KATNIP: variants seen among roughly 807,000 people sequenced by gnomAD.
The protein encoded by KATNIP is katanin-interacting protein.
KATNIP carries 126 observed loss-of-function variants against 174.0 expected under a neutral mutation model. The observed-to-expected ratio is 0.72, with a 90% CI of 0.63 to 0.84. The LOEUF (loss-of-function observed/expected upper bound fraction) is 0.84. Among genes scored for constraint, KATNIP ranks in the 40% least tolerant of loss-of-function variants. The pLI is 0.00. For synonymous variants in KATNIP, 810 were observed against 835.7 expected (o/e 0.97, Z 0.53); for missense variants, 1,958 against 2,109.7 (o/e 0.93, Z 1.41).
intron 22 of KATNIP, 33 bp downstream of exon 22, chr16:27,771,685 C>T (rs2082310123): frequency 6.2e-7 from 1 of 1,608,994 alleles, no homozygotes; most frequent in African/African-American, 1.3e-5. Flanking sequence ...CCAGCACATT[C>T]TGGGCCCCGA....
In KATNIP at chr16:27,628,647, C is replaced by A; in HGVS notation, c.141-14C>A. ...CAAATGATGAGGAGGAACAACCCAC[C>A]GTTTCTCTTTCAGGATATTAAAGCA... On this transcript the variant is annotated splice_polypyrimidine_tract_variant and intron_variant, in intron 3 of 27. Transcript: ENST00000261588. 1.9e-6 allele frequency: 3 copies of A among 1,613,346 alleles called. No individual in the cohort carries two copies. Among genetic ancestry groups the A allele is most frequent in the Non-Finnish European group, 2.5e-6 (3 of 1,179,508 alleles).
chr16:27,652,761 G>A (rs1199120882), intron 6 of KATNIP, among the ~76,000 whole-genome samples: 3 of 149,832 alleles, frequency 2.0e-5, no homozygotes, highest in East Asian at 2.0e-4. Flanking sequence ...TACAGGAGCC[G>A]AGATGGAGCC....
At chr16:27,745,622 G>A (rs1484917327) in intron 15 of KATNIP, among the ~76,000 whole-genome samples, 1 of 152,212 alleles carries the variant, frequency 6.6e-6, no homozygotes, top group Non-Finnish European at 1.5e-5. Context: ...TCCTGTTTTA[G>A]TAGCAATTAC....
At chr16:27,664,083 A>G (rs1018506790) in intron 6 of KATNIP, among the ~76,000 whole-genome samples, 1 of 152,178 alleles carries the variant, frequency 6.6e-6, no homozygotes, top group Non-Finnish European at 1.5e-5. Context: ...AAGTGCTGTA[A>G]TTACAGGCAT....
At chr16:27,706,843 C>G (rs2079328563) in intron 12 of KATNIP, among the ~76,000 whole-genome samples, 1 of 152,198 alleles carries the variant, frequency 6.6e-6, no homozygotes, top group South Asian at 2.1e-4. Flanking sequence ...CTGGATTGCT[C>G]CACACTATCA....
chr16:27,753,998 C>T (rs12447633), intron 17 of KATNIP, among the ~76,000 whole-genome samples, 175 bp from the exon 18 acceptor site: 1,545 of 152,268 alleles, frequency 0.01, 73 homozygotes, highest in Admixed American at 0.082. Context: ...GGTCAGGGTC[C>T]GCCCATATCA....
intron 6 of KATNIP, among the ~76,000 whole-genome samples, chr16:27,652,486 G>A (rs1391173824): frequency 6.6e-6 from 1 of 152,152 alleles, no homozygotes; most frequent in East Asian, 1.9e-4. Context: ...CTGGGCACAT[G>A]GTTGTATGCT....
At chr16:27,768,796 C>T (rs1025811738) in intron 20 of KATNIP, among the ~76,000 whole-genome samples, 6 of 152,174 alleles carry the variant, frequency 3.9e-5, no homozygotes, top group South Asian at 2.1e-4. Flanking sequence ...GAACGAGGGG[C>T]CCCAGGGGCA....
intron 19 of KATNIP, among the ~76,000 whole-genome samples, chr16:27,762,593 C>T (rs2081989974): frequency 6.6e-6 from 1 of 152,200 alleles, no homozygotes; most frequent in African/African-American, 2.4e-5. Context: ...CCTTGGTTTC[C>T]TTATCAGTAG....
intron 1 of KATNIP, among the ~76,000 whole-genome samples, chr16:27,571,139 T>A (rs2090276417): frequency 6.6e-6 from 1 of 152,176 alleles, no homozygotes; most frequent in Non-Finnish European, 1.5e-5. Flanking sequence ...TTCAGGTGAA[T>A]CTTGTGCCTC....
chr16:27,596,707 T>A (rs1380445819), intron 2 of KATNIP, among the ~76,000 whole-genome samples: 2 of 152,130 alleles, frequency 1.3e-5, no homozygotes, highest in Non-Finnish European at 2.9e-5. Context: ...CTGGGCAACA[T>A]AGCAAGACCC....
chr16:27,652,500 A>G lies in KATNIP; in HGVS notation c.540+3765A>G, dbSNP rs543780651. Among the ~76,000 whole-genome samples the G allele has an allele frequency of 6.6e-4, 101 of 152,258 alleles. 1 individual carries two copies. The highest frequency in any genetic ancestry group is 2.4e-3 in the African/African-American group (98 of 41,564). On this transcript the variant is annotated intron_variant, in intron 6 of 27. Transcript: ENST00000261588. The stretch of plus-strand genomic sequence containing the variant: ...CCTGGGCACATGGTTGTATGCTGCA[A>G]TGGATGATATGTTCACCGTTTAAGT...
At chr16:27,635,416 G>A (rs958790217) in intron 5 of KATNIP, among the ~76,000 whole-genome samples, 5 of 152,114 alleles carry the variant, frequency 3.3e-5, no homozygotes, top group African/African-American at 4.8e-5. Flanking sequence ...GCCCCCTCCA[G>A]TCTAGAGCAT....
chr16:27,697,643 CACAT>C lies in KATNIP; in HGVS notation c.941-683_941-680del, dbSNP rs376842027. Reference sequence around the variant, plus strand: ...TATATATACAGAAATATTATGCACACACATATGTGTATGCCTGCTATCATGTATT... The same window carrying C: ...TATATATACAGAAATATTATGCACACATGTGTATGCCTGCTATCATGTATT... On this transcript the variant is annotated intron_variant, in intron 8 of 27. Coordinates refer to ENST00000261588, the MANE Select transcript of KATNIP (RefSeq NM_015202.5). 4.5e-3 allele frequency among the ~76,000 whole-genome samples: 682 copies of C among 151,446 alleles called. 7 individuals carry two copies. Among genetic ancestry groups the C allele is most frequent in the African/African-American group, 0.016 (658 of 41,344 alleles).
intron 1 of KATNIP, among the ~76,000 whole-genome samples, chr16:27,561,736 C>T (rs1333005271): frequency 2.0e-5 from 3 of 152,152 alleles, no homozygotes; most frequent in Non-Finnish European, 4.4e-5. Flanking sequence ...TAACGAGTCC[C>T]AAACTATTTA....
intron 2 of KATNIP, among the ~76,000 whole-genome samples, chr16:27,591,970 T>C (rs2075183763): frequency 1.3e-5 from 2 of 152,196 alleles, no homozygotes; most frequent in African/African-American, 4.8e-5. Context: ...TGAACCCAGA[T>C]TCCGTCATCC....
intron 19 of KATNIP, among the ~76,000 whole-genome samples, 186 bp from the exon 20 acceptor site, chr16:27,766,123 T>C (rs1445160721): frequency 6.6e-6 from 1 of 151,966 alleles, no homozygotes; most frequent in Non-Finnish European, 1.5e-5. Context: ...ATGTCTCATT[T>C]CATAGATGAG....
intron 12 of KATNIP, among the ~76,000 whole-genome samples, chr16:27,705,527 G>C (rs1454820045): frequency 6.6e-6 from 1 of 152,002 alleles, no homozygotes; most frequent in African/African-American, 2.4e-5. Context: ...TGCCCCACAG[G>C]CCACTGTGAG....
intron 8 of KATNIP, among the ~76,000 whole-genome samples, chr16:27,689,866 G>T (rs2078654332): frequency 6.6e-6 from 1 of 152,148 alleles, no homozygotes. Context: ...GAGGACCTTG[G>T]CTAGGACAGC....
Sources: allele counts gnomAD v4.1 joint callset (sites outside exome capture counted in the v4.1 genomes callset), GRCh38; gene constraint gnomAD v4.1.1; transcripts MANE v1.5; gene names NCBI Gene and HGNC (gene_info 2026-07-23, HGNC 2026-07-21).